MOBP: variants seen among roughly 807,000 people sequenced by gnomAD.
The protein encoded by MOBP is myelin associated oligodendrocyte basic protein.
MOBP carries 5 observed loss-of-function variants against 15.0 expected under a neutral mutation model. That is an observed-to-expected ratio of 0.33 (90% CI 0.17 to 0.70). The LOEUF (loss-of-function observed/expected upper bound fraction) is 0.70. MOBP is among the 30% of genes least tolerant of loss of function. MOBP has a pLI of 0.67. For synonymous variants in MOBP, 88 were observed against 99.0 expected (o/e 0.89, Z 0.66); for missense variants, 188 against 257.8 (o/e 0.73, Z 1.85).
Position 39,472,787 on chromosome 3 carries a change from G to A in MOBP, c.-89+5047G>A, listed in dbSNP as rs145750899. The stretch of plus-strand genomic sequence containing the variant: ...CAAAAAATACAAAAATTAACCAAGC[G>A]TGGTGGTGCGTGCCTACAGTTCCAG... On this transcript the variant is annotated intron_variant, in intron 1 of 3. Transcript: ENST00000684792. 1.5e-3 allele frequency among the ~76,000 whole-genome samples: 233 copies of A among 152,320 alleles called. 4 individuals carry two copies. In the East Asian group the frequency reaches 0.037, roughly 24 times the overall value.
chr3:39,506,425 A>G (rs1395725961), downstream of MOBP, among the ~76,000 whole-genome samples: 1 of 152,166 alleles, frequency 6.6e-6, no homozygotes, highest in Non-Finnish European at 1.5e-5. Context: ...TGAAGGGGAC[A>G]CTGGAGGAAT....
chr3:39,503,004 C>A lies in MOBP; in HGVS notation c.*124C>A. ...ACCCAACCTGTGTAATCAGCTCCCT[C>A]CATTAAATCCCCTCTGTTTGAAATA... On this transcript the variant is annotated 3_prime_UTR_variant, in exon 4 of 4. Transcript: ENST00000684792. The A allele has an allele frequency of 1.7e-6, 1 of 576,292 alleles. No individual in the cohort carries two copies. The highest frequency in any genetic ancestry group is 3.0e-6 in the Non-Finnish European group (1 of 329,972). 35.7% of individuals were successfully genotyped at this position (576,292 alleles called of 1,614,324 possible). A position where few individuals can be genotyped will look rare whatever the true frequency, so the allele number is the denominator to read the frequency against.
intron 1 of MOBP, among the ~76,000 whole-genome samples, chr3:39,477,687 C>T (rs2125628687): frequency 6.7e-6 from 1 of 150,050 alleles, no homozygotes; most frequent in South Asian, 2.1e-4. Flanking sequence ...ACATTGTTGT[C>T]ATAGGAGATG....
chr3:39,514,910 C>T (rs1315371746), exon 5 of MOBP: 1 of 152,216 alleles, frequency 6.6e-6, no homozygotes, highest in Non-Finnish European at 1.5e-5. Context: ...GAGTTTTCCC[C>T]TGGGTCAAGT....
downstream of MOBP, among the ~76,000 whole-genome samples, chr3:39,516,315 G>A (rs1034400475): frequency 1.5e-4 from 23 of 152,296 alleles, no homozygotes; most frequent in African/African-American, 4.3e-4. Context: ...TGTGAAGAAG[G>A]AGGAGTGGAT....
chr3:39,487,312 A>C (rs545493530), intron 2 of MOBP, among the ~76,000 whole-genome samples: 8 of 152,220 alleles, frequency 5.3e-5, no homozygotes, highest in African/African-American at 1.7e-4. Flanking sequence ...TTGTTGAAGA[A>C]TCTATCTGCC....
At chr3:39,496,675 T>C (rs142126836) in intron 2 of MOBP, among the ~76,000 whole-genome samples, 1,719 of 151,886 alleles carry the variant, frequency 0.011, 18 homozygotes, top group Non-Finnish European at 0.017. Flanking sequence ...TTTTTTTCTT[T>C]TTTTTGAGAC....
intron 2 of MOBP, among the ~76,000 whole-genome samples, chr3:39,497,229 C>T (rs1218224701): frequency 2.0e-5 from 3 of 152,204 alleles, no homozygotes; most frequent in African/African-American, 7.2e-5. Flanking sequence ...AGGGCCCATC[C>T]CAAGTTTACT....
downstream of MOBP, among the ~76,000 whole-genome samples, chr3:39,517,091 C>G (rs1166356001): frequency 6.6e-6 from 1 of 152,066 alleles, no homozygotes; most frequent in East Asian, 1.9e-4. Context: ...AGGAAGTGTC[C>G]TTAGTGGGCA....
intron 2 of MOBP, among the ~76,000 whole-genome samples, chr3:39,492,158 A>G (rs947910440): frequency 6.6e-6 from 1 of 152,170 alleles, no homozygotes; most frequent in East Asian, 1.9e-4. Context: ...GCTGGACCAG[A>G]ATAGGAGGCT....
chr3:39,498,511 C>T (rs1350902392), intron 2 of MOBP, among the ~76,000 whole-genome samples: 2 of 152,074 alleles, frequency 1.3e-5, no homozygotes, highest in African/African-American at 2.4e-5. Flanking sequence ...CCACCACACT[C>T]AGCTAATTTT....
Position 39,502,800 on chromosome 3 carries a change from C to G in MOBP, c.472C>G (p.Gln158Glu). 6.5e-7 allele frequency: 1 copy of G among 1,534,786 alleles called. No individual in the cohort carries two copies. The highest frequency in any genetic ancestry group is 1.4e-5 in the African/African-American group (1 of 73,158). ...GCAGCGTCCCCCTCAGAAGTCCAAG[C>G]AACAGCCGCGCAGCAGCCCCCTCAG... ...AKQRPPQKSK[Q>E]QPRSSPLRGP... Residue 158 changes from glutamine to glutamate, a missense_variant, in exon 4 of 4, where the codon CAA (glutamine) becomes GAA (glutamate). Coordinates refer to ENST00000684792, the MANE Select transcript of MOBP (RefSeq NM_001393704.1). This position sits in a 1 kb window ranked among gnomAD's most constrained non-coding sequence, Gnocchi z 6.3.
At position 39,471,669 on chromosome 3, in the gene MOBP, AG is replaced by A. The variant is rs1164638862; in HGVS notation, c.-89+3930del. Among the ~76,000 whole-genome samples the A allele has an allele frequency of 3.9e-5, 6 of 152,260 alleles. No homozygotes were observed. In the South Asian group the frequency reaches 1.2e-3, roughly 32 times the overall value. On this transcript the variant is annotated intron_variant, in intron 1 of 3. Transcript: ENST00000684792. The stretch of plus-strand genomic sequence containing the variant: ...AGCTCCTCCTCTGGCATGAGGCATG[AG>A]TCCTTTCCCAGCTCCTCTTCTGGCA...
chr3:39,512,858 G>T (rs761405053), intron 4 of MOBP, among the ~76,000 whole-genome samples: 1 of 152,172 alleles, frequency 6.6e-6, no homozygotes, highest in African/African-American at 2.4e-5. Flanking sequence ...GGGTAAGCTT[G>T]CAGGCAATGC....
intron 1 of MOBP, among the ~76,000 whole-genome samples, chr3:39,476,904 A>G (rs1009778813): frequency 5.9e-5 from 9 of 151,944 alleles, no homozygotes; most frequent in Admixed American, 6.6e-5. Flanking sequence ...AAAATTTGGT[A>G]TCCTTTTCCT....
intron 1 of MOBP, among the ~76,000 whole-genome samples, chr3:39,476,050 T>C (rs1768201): frequency 0.27 from 40,415 of 151,996 alleles, 6,698 homozygotes; most frequent in African/African-American, 0.47. Flanking sequence ...CTTCTGTTTC[T>C]GGAGAGGCCT....
chr3:39,506,337 C>T (rs2043047441), downstream of MOBP, among the ~76,000 whole-genome samples: 1 of 152,154 alleles, frequency 6.6e-6, no homozygotes, highest in South Asian at 2.1e-4. Flanking sequence ...CTTCCCTTAG[C>T]ACCCCCGCCC....
At chr3:39,471,300 T>C (rs1333206767) in intron 1 of MOBP, among the ~76,000 whole-genome samples, 2 of 151,990 alleles carry the variant, frequency 1.3e-5, no homozygotes, top group Admixed American at 6.6e-5. Flanking sequence ...CAGCTAATTT[T>C]TTGTATTTTT....
At chr3:39,491,511 T>C (rs565647404) in intron 2 of MOBP, among the ~76,000 whole-genome samples, 48 of 150,898 alleles carry the variant, frequency 3.2e-4, no homozygotes, top group Non-Finnish European at 6.3e-4. Flanking sequence ...ATGGGTATGA[T>C]TTAGGAAATA....
Sources: gnomAD v4.1 joint callset for allele counts (sites outside exome capture counted in the v4.1 genomes callset) on GRCh38, gnomAD v4.1.1 for gene constraint, Gnocchi (gnomAD v3.1) non-coding constraint, MANE v1.5 for transcripts, NCBI Gene and HGNC (gene_info 2026-07-23, HGNC 2026-07-21) for gene names.